GPHN: variants seen among roughly 807,000 people sequenced by gnomAD.
The protein encoded by GPHN is gephyrin.
In GPHN, 17 loss-of-function variants were observed where a neutral mutation model predicts 95.5. The ratio of observed to expected loss-of-function variants is 0.18; its 90% CI spans 0.12 to 0.27. GPHN has a LOEUF of 0.27. Among genes scored for constraint, GPHN ranks in the 10% least tolerant of loss-of-function variants. The pLI, the probability that GPHN is intolerant of heterozygous loss-of-function variation, is 1.00. For synonymous variants in GPHN, 320 were observed against 322.5 expected, an observed-to-expected ratio of 0.99 and a Z score of 0.08; for missense variants, 660 against 978.1, an observed-to-expected ratio of 0.67 and a Z score of 4.34.
At chr14:67,554,662 G>C in the GPHN span, among the ~76,000 whole-genome samples, 1 of 152,180 alleles carries the variant, frequency 6.6e-6, no homozygotes, top group Non-Finnish European at 1.5e-5. Context: ...GGCAGGGGAA[G>C]AATGGGAGCT....
chr14:67,110,326 G>T, intron 14 of GPHN, 67 bp downstream of exon 14: 1 of 1,573,476 alleles, frequency 6.4e-7, no homozygotes, highest in Non-Finnish European at 8.7e-7. Context: ...ACCATTTTCT[G>T]CAGTGTTTGT....
chr14:66,711,363 C>A (rs950270590), intron 2 of GPHN, among the ~76,000 whole-genome samples: 1 of 152,086 alleles, frequency 6.6e-6, no homozygotes, highest in African/African-American at 2.4e-5. Context: ...CTATGAATGC[C>A]GTTAATTCAT....
chr14:67,039,670 G>A (rs1226126861), intron 10 of GPHN, among the ~76,000 whole-genome samples: 2 of 152,164 alleles, frequency 1.3e-5, no homozygotes, highest in East Asian at 3.9e-4. Context: ...GGCACATGCT[G>A]TAGTCTCAGC....
the GPHN span, among the ~76,000 whole-genome samples, chr14:67,298,404 A>C: frequency 6.6e-6 from 1 of 151,760 alleles, no homozygotes; most frequent in African/African-American, 2.4e-5. Context: ...AATCCCAGCT[A>C]CTCAGGAGTC....
chr14:67,244,737 A>G, the GPHN span, among the ~76,000 whole-genome samples: 12 of 152,192 alleles, frequency 7.9e-5, no homozygotes, highest in Admixed American at 1.3e-4. Context: ...GGTATAGCCT[A>G]ATTTTATCTT....
At chr14:66,817,031 CAT>C (rs1255924998) in intron 3 of GPHN, among the ~76,000 whole-genome samples, 6 of 151,942 alleles carry the variant, frequency 3.9e-5, no homozygotes, top group Non-Finnish European at 8.8e-5. Flanking sequence ...GTAAAGAAAA[CAT>C]TATATATTTA....
At chr14:66,536,498 G>T (rs986848222) in intron 1 of GPHN, among the ~76,000 whole-genome samples, 2 of 152,028 alleles carry the variant, frequency 1.3e-5, no homozygotes, top group Admixed American at 1.3e-4. Context: ...ATTCATGAAA[G>T]ATATTGGCCT....
the GPHN span, among the ~76,000 whole-genome samples, chr14:67,629,339 AT>A: frequency 6.6e-6 from 1 of 152,228 alleles, no homozygotes; most frequent in Non-Finnish European, 1.5e-5. Flanking sequence ...ATAAAGCCTC[AT>A]CTGTTTAAGA....
At chr14:67,412,121 C>A in the GPHN span, 1 of 1,410,728 alleles carries the variant, frequency 7.1e-7, no homozygotes, top group Non-Finnish European at 9.3e-7. Flanking sequence ...CGCTCCTCGG[C>A]ACCCGCGCAG....
At chr14:67,195,545 T>C in the GPHN span, among the ~76,000 whole-genome samples, 1 of 152,154 alleles carries the variant, frequency 6.6e-6, no homozygotes, top group Non-Finnish European at 1.5e-5. Flanking sequence ...TCAGAGTGAA[T>C]TGTTTTTCCA....
the GPHN span, among the ~76,000 whole-genome samples, chr14:67,518,263 C>A: frequency 2.3e-4 from 35 of 152,346 alleles, no homozygotes; most frequent in Admixed American, 2.0e-3. Context: ...TTTGCTCAAG[C>A]AAACTTGGTT....
chr14:67,621,565 C>T, the GPHN span, among the ~76,000 whole-genome samples: 3 of 151,740 alleles, frequency 2.0e-5, no homozygotes, highest in African/African-American at 7.3e-5. Flanking sequence ...AAGCAATTCT[C>T]CTCCCAAGTA....
rs76047122 is a variant in GPHN, at chr14:66,885,377, G to A, written c.389+5344G>A. ...GGAAAAGACTTGACTAGTAGATTTT[G>A]GTTAATTTGGGTCAATTTTAACCTA... is the stretch of plus-strand genomic sequence containing the variant. On this transcript the variant is annotated intron_variant, in intron 5 of 22. Coordinates refer to ENST00000478722, the MANE Select transcript of GPHN (RefSeq NM_020806.5). Among the ~76,000 whole-genome samples the A allele has an allele frequency of 0.042, 6,344 of 152,108 alleles. 810 individuals are homozygous for A. In the East Asian group the frequency reaches 0.42, roughly 10 times the overall value.
chr14:67,693,073 CTCA>C, the GPHN span: 1 of 1,534,176 alleles, frequency 6.5e-7, no homozygotes, highest in Non-Finnish European at 9.0e-7. Flanking sequence ...AGAAGGAGAG[CTCA>C]TCAATTCTTC....
At chr14:67,585,578 T>C in the GPHN span, 1 of 1,580,438 alleles carries the variant, frequency 6.3e-7, no homozygotes, top group East Asian at 2.3e-5. Context: ...CCTGCCCAGC[T>C]GTCTTCCAAG....
At chr14:67,193,954 C>CAAAAAAAAAAAAAAA in the GPHN span, among the ~76,000 whole-genome samples, 5 of 85,756 alleles carry the variant, frequency 5.8e-5, no homozygotes, top group African/African-American at 2.1e-4. Flanking sequence ...CAAAAAAAAA[C>CAAAAAAAAAAAAAAA]AAAAAAAAAA....
chr14:67,538,851 C>A, the GPHN span, among the ~76,000 whole-genome samples: 1 of 152,180 alleles, frequency 6.6e-6, no homozygotes, highest in African/African-American at 2.4e-5. Flanking sequence ...TTGGGGAAAG[C>A]ATTCCCTAAA....
chr14:67,727,117 C>T, the GPHN span: 1 of 1,614,204 alleles, frequency 6.2e-7, no homozygotes, highest in Non-Finnish European at 8.5e-7. Context: ...AGCGCTACAG[C>T]AGGGGTTTTG....
chr14:66,522,517 G>T (rs1373510402), intron 1 of GPHN, among the ~76,000 whole-genome samples: 1 of 152,078 alleles, frequency 6.6e-6, no homozygotes, highest in African/African-American at 2.4e-5. Flanking sequence ...CTCTTAACCT[G>T]TATTTAGTCT....
Sources: gnomAD v4.1 joint callset for allele counts (sites outside exome capture counted in the v4.1 genomes callset) on GRCh38, gnomAD v4.1.1 for gene constraint, MANE v1.5 for transcripts, NCBI Gene and HGNC (gene_info 2026-07-23, HGNC 2026-07-21) for gene names.